The following CORO1B variants were observed in gnomAD, a reference collection of about 807,000 sequenced individuals.
The protein encoded by CORO1B is coronin-1B.
Under a neutral mutation model 51.1 loss-of-function variants are expected in CORO1B, and 30 were observed. That is an observed-to-expected ratio of 0.59 (90% CI 0.44 to 0.80). The LOEUF (loss-of-function observed/expected upper bound fraction) is 0.80, where lower values mean the gene tolerates loss of function less well. CORO1B is among the 30% of genes least tolerant of loss of function. The pLI is 0.00. For synonymous variants in CORO1B, 310 were observed against 289.7 expected, an observed-to-expected ratio of 1.07 and a Z score of -0.71; for missense variants, 648 against 700.4, an observed-to-expected ratio of 0.93 and a Z score of 0.84.
At chr11:67,438,546 G>A in intron 10 of CORO1B, 45 bp from the exon 11 acceptor site, 1 of 1,577,762 alleles carries the variant, frequency 6.3e-7, no homozygotes, top group Non-Finnish European at 8.6e-7. Flanking sequence ...GTCAGGGGCT[G>A]CTAAGCCATA....
intron 6 of CORO1B, 70 bp from the exon 7 acceptor site, chr11:67,440,509 T>C: frequency 1.4e-6 from 2 of 1,452,100 alleles, no homozygotes. Context: ...GGACGGGCCT[T>C]AGCTGGCCTC....
At position 67,437,574 on chromosome 11, in the gene CORO1B, C is replaced by T; in HGVS notation, c.*802G>A. 7.4e-7 allele frequency: 1 copy of T among 1,343,518 alleles called. No homozygotes were observed. The highest frequency in any genetic ancestry group is 2.8e-5 in the East Asian group (1 of 35,948). The allele number at this position is 1,343,518 out of a possible 1,614,324, so 83.2% of individuals were successfully genotyped here. A position where few individuals can be genotyped will look rare whatever the true frequency, so the allele number is the denominator to read the frequency against. On this transcript the variant is annotated 3_prime_UTR_variant, in exon 11 of 11. Coordinates refer to ENST00000341356, the MANE Select transcript of CORO1B (RefSeq NM_020441.3). ...GCCCAGACATTCTAGCCCCGACCGC[C>T]TGTGGCCCCCATCCCAAGAACCCGG...
chr11:67,438,613 C>A, intron 10 of CORO1B, 58 bp downstream of exon 10: 2 of 1,520,650 alleles, frequency 1.3e-6, no homozygotes, highest in Non-Finnish European at 1.8e-6. Flanking sequence ...GAAGCCCACA[C>A]AGCAGGCCAG....
rs141781443 is a variant in CORO1B at position 67,438,727 on chromosome 11, C to CG, written c.1287dup (p.Ala430ArgfsTer8). 7 of 1,545,718 alleles carry CG rather than the reference C, an allele frequency of 4.5e-6. No homozygotes were observed. The highest frequency in any genetic ancestry group is 2.4e-5 in the South Asian group (2 of 84,686). On this transcript the variant is annotated frameshift_variant, in exon 10 of 11. Coordinates refer to ENST00000341356, the MANE Select transcript of CORO1B (RefSeq NM_020441.3). LOFTEE classifies it high-confidence loss of function. ...GCATCAGCAGCAGTGGTGGTGGAGG[C>CG]GGGGGCCCCTAGGTGGGAGGAGCCC...
chr11:67,443,632 G>A (rs567432387), upstream of CORO1B: 59 of 774,580 alleles, frequency 7.6e-5, no homozygotes, highest in East Asian at 5.1e-4. Flanking sequence ...GCCAGAGAGA[G>A]CCCCTTTCCT....
intron 8 of CORO1B, 83 bp downstream of exon 8, chr11:67,440,035 T>G: frequency 1.3e-6 from 2 of 1,530,090 alleles, no homozygotes; most frequent in Non-Finnish European, 8.8e-7. Context: ...GGCGCAAGGT[T>G]TCCTGCTCCC....
Position 67,436,214 on chromosome 11 carries a change from G to A in CORO1B, c.*2162C>T, listed in dbSNP as rs770620957. The A allele has an allele frequency of 1.9e-6, 3 of 1,549,912 alleles. No homozygotes were observed. The highest frequency in any genetic ancestry group is 2.6e-6 in the Non-Finnish European group (3 of 1,150,070). On this transcript the variant is annotated 3_prime_UTR_variant, in exon 11 of 11. Transcript: ENST00000341356. ...GCGCCAGGCCAGTGCTAGGCCAGTG[G>A]CCAGCAGTAGGAGCAGCAGCAGCAG... is the stretch of plus-strand genomic sequence containing the variant.
At position 67,441,343 on chromosome 11, in the gene CORO1B, G is replaced by T; in HGVS notation, c.626C>A (p.Thr209Asn). ...SVRIIDPRRG[T>N]LVAEREKAHE... ...TCCAGAGCCACGTACTGCCACCAGG[G>T]TGCCCCGACGGGGGTCGATGATGCG... is the stretch of plus-strand genomic sequence containing the variant. The change falls in exon 5 of 11, where the codon ACC becomes AAC. Residue 209 changes from threonine to asparagine, a missense_variant. Coordinates refer to ENST00000341356, the MANE Select transcript of CORO1B (RefSeq NM_020441.3). 6.2e-6 allele frequency: 10 copies of T among 1,613,648 alleles called. No individual in the cohort carries two copies. Among genetic ancestry groups the T allele is most frequent in the Non-Finnish European group, 8.5e-6 (10 of 1,180,016 alleles).
chr11:67,435,558 T>G lies in CORO1B; in HGVS notation c.*2818A>C, dbSNP rs1251024032. On this transcript the variant is annotated 3_prime_UTR_variant, in exon 11 of 11. Coordinates refer to ENST00000341356, the MANE Select transcript of CORO1B (RefSeq NM_020441.3). ...CAAATGGTTGCCTGATGCCTGTGGT[T>G]GGGGGGGGCCGTTCCCGTGGTGAGC... The G allele has an allele frequency of 6.4e-6, 6 of 932,500 alleles. No individual in the cohort carries two copies. The highest frequency in any genetic ancestry group is 1.7e-5 in the African/African-American group (1 of 59,300). The allele number at this position is 932,500 out of a possible 1,614,324, so 57.8% of individuals were successfully genotyped here.
chr11:67,440,873 G>T (rs1473115285), intron 6 of CORO1B: 1 of 657,354 alleles, frequency 1.5e-6, no homozygotes, highest in Admixed American at 2.3e-5. Flanking sequence ...AAGCAAGGGA[G>T]AGAAGGGCCC....
Position 67,435,998 on chromosome 11 carries a change from G to A in CORO1B, c.*2378C>T, listed in dbSNP as rs572090784. On this transcript the variant is annotated 3_prime_UTR_variant, in exon 11 of 11. Coordinates refer to ENST00000341356, the MANE Select transcript of CORO1B (RefSeq NM_020441.3). ...AGGGTCAGCCTGCAGGCCACCATCC[G>A]CGACGTGGTCATAGTCTGTGTCCTG... is the stretch of plus-strand genomic sequence containing the variant. 2.4e-5 allele frequency: 39 copies of A among 1,613,744 alleles called. 1 individual carries two copies. The highest frequency in any genetic ancestry group is 1.6e-4 in the South Asian group (15 of 91,088).
Position 67,436,745 on chromosome 11 carries a change from G to A in CORO1B, c.*1631C>T. The A allele has an allele frequency of 5.1e-6, 1 of 194,906 alleles. No homozygotes were observed. Among genetic ancestry groups the A allele is most frequent in the Non-Finnish European group, 1.0e-5 (1 of 96,134 alleles). 12.1% of individuals were successfully genotyped at this position (194,906 alleles called of 1,614,324 possible). ...AACCTCTACCCTGATGTCTATCACT[G>A]CAGCCCACCCCAGCACCCCCCAGCA... On this transcript the variant is annotated 3_prime_UTR_variant, in exon 11 of 11. Coordinates refer to ENST00000341356, the MANE Select transcript of CORO1B (RefSeq NM_020441.3).
At chr11:67,439,982 C>G (rs955984109) in intron 8 of CORO1B, 136 bp downstream of exon 8, 2 of 1,457,504 alleles carry the variant, frequency 1.4e-6, no homozygotes, top group Admixed American at 1.9e-5. Context: ...GACCCCCACA[C>G]GGGCTGCCTC....
In CORO1B at chr11:67,443,464, C is replaced by T. The variant is rs1452456274; in HGVS notation, c.-63G>A. On this transcript the variant is annotated 5_prime_UTR_variant, in exon 1 of 11. Transcript: ENST00000341356. Reference sequence around the variant, plus strand: ...GCTTCGGGCGGCTCCGGATCCCGGCCTCTGGGAAGCAGGAAGCAGGATTCA... The same window carrying T: ...GCTTCGGGCGGCTCCGGATCCCGGCTTCTGGGAAGCAGGAAGCAGGATTCA... The T allele has an allele frequency of 1.0e-6, 1 of 986,212 alleles. No individual in the cohort carries two copies. The highest frequency in any genetic ancestry group is 1.2e-6 in the Non-Finnish European group (1 of 830,202). The allele number at this position is 986,212 out of a possible 1,614,324, so 61.1% of individuals were successfully genotyped here. A position where few individuals can be genotyped will look rare whatever the true frequency, so the allele number is the denominator to read the frequency against.
At chr11:67,441,585 C>A (rs772200360) in intron 4 of CORO1B, 71 bp from the exon 5 acceptor site, 1 of 1,562,392 alleles carries the variant, frequency 6.4e-7, no homozygotes, top group Non-Finnish European at 8.7e-7. Flanking sequence ...GGCTGAGGCC[C>A]ACTCTGCCCA....
rs543086597 is a variant in CORO1B at position 67,438,257 on chromosome 11, A to G, written c.*119T>C. Reference sequence around the variant, plus strand: ...GGGCCTGGGACGGGTGGGGGTGGGAACTGACCCCTGCGCTGCCTCAGAGGC... The same window carrying G: ...GGGCCTGGGACGGGTGGGGGTGGGAGCTGACCCCTGCGCTGCCTCAGAGGC... On this transcript the variant is annotated 3_prime_UTR_variant, in exon 11 of 11. Transcript: ENST00000341356. 8 of 1,350,108 alleles carry G rather than the reference A, an allele frequency of 5.9e-6. No homozygotes were observed. Among genetic ancestry groups the G allele is most frequent in the Middle Eastern group, 2.5e-4 (1 of 3,924 alleles). The allele number at this position is 1,350,108 out of a possible 1,614,324, so 83.6% of individuals were successfully genotyped here. A position where few individuals can be genotyped will look rare whatever the true frequency, so the allele number is the denominator to read the frequency against.
chr11:67,441,451 C>G lies in CORO1B; in HGVS notation c.518G>C (p.Ser173Thr). The G allele has an allele frequency of 6.2e-7, 1 of 1,613,922 alleles. No individual in the cohort carries two copies. The highest frequency in any genetic ancestry group is 1.1e-5 in the South Asian group (1 of 91,088). Residue 173 changes from serine (S) to threonine (T), a missense_variant, in exon 5 of 11, where the codon AGC (serine) becomes ACC (threonine). Coordinates refer to ENST00000341356, the MANE Select transcript of CORO1B (RefSeq NM_020441.3). The stretch of plus-strand genomic sequence containing the variant: ...ATTGTAGATGAGGTCAGGGTGCAGG[C>G]TGTCCAGGCGGTACAGCTCCTCCGC... ...GTAEELYRLD[S>T]LHPDLIYNVS... is the part of the protein sequence containing the mutation.
Position 67,438,476 on chromosome 11 carries a change from A to G in CORO1B, c.1370T>C (p.Met457Thr), listed in dbSNP as rs200669952. Residue 457 changes from methionine (M) to threonine (T), a missense_variant, in exon 11 of 11, where the codon ATG (methionine) becomes ACG (threonine). Met to Thr is a moderately conservative substitution (Grantham distance 81, BLOSUM62 -1). Transcript: ENST00000341356. ...CGCCCTCAGGGCCCGCAGCTCCTGC[A>G]TCACCTCCTCCAGCTTCCCAGCCTC... ...AGEAGKLEEV[M>T]QELRALRALV... is the part of the protein sequence containing the mutation. The G allele has an allele frequency of 1.9e-6, 3 of 1,609,972 alleles. No individual in the cohort carries two copies. The highest frequency in any genetic ancestry group is 3.3e-5 in the Admixed American group (2 of 59,908).
In CORO1B at chr11:67,439,846, G is replaced by A. The variant is rs202003575; in HGVS notation, c.1008-3C>T. On this transcript the variant is annotated splice_polypyrimidine_tract_variant and splice_region_variant and intron_variant, in intron 8 of 10. Transcript: ENST00000341356. The stretch of plus-strand genomic sequence containing the variant: ...TGCGCTCATGCAGTTTGTAGAACCT[G>A]GGGATGCAAGGAGGAGCCACGGGTG... 4.2e-5 allele frequency: 66 copies of A among 1,573,952 alleles called. No individual in the cohort carries two copies. The Middle Eastern group carries it at 5.0e-4, about 12-fold the overall frequency.
Sources: allele counts gnomAD v4.1 joint callset, GRCh38; gene constraint gnomAD v4.1.1; transcripts MANE v1.5; gene names NCBI Gene and HGNC (gene_info 2026-07-23, HGNC 2026-07-21).